The following CACNB4 variants were observed in gnomAD, a reference collection of about 807,000 sequenced individuals.
The protein encoded by CACNB4 is calcium voltage-gated channel auxiliary subunit beta 4.
CACNB4 carries 32 observed loss-of-function variants against 71.2 expected under a neutral mutation model. That is an observed-to-expected ratio of 0.45 (90% CI 0.34 to 0.60). The LOEUF (loss-of-function observed/expected upper bound fraction) is 0.60, where lower values mean the gene tolerates loss of function less well. CACNB4 is among the 20% of genes least tolerant of loss of function. The pLI, the probability that CACNB4 is intolerant of heterozygous loss-of-function variation, is 0.01. For missense variants in CACNB4, 464 were observed against 647.9 expected (o/e 0.72, Z 3.08); for synonymous variants, 231 against 236.9 (o/e 0.97, Z 0.23).
rs147524199 is a variant in CACNB4 at position 151,961,752 on chromosome 2, A to G, written c.148-78382T>C. ...CAAAAAAATAAAAAATTAGCCAGGC[A>G]TGATGGCATGCACCTGTAGTCCCAG... On this transcript the variant is annotated intron_variant, in intron 2 of 13. Coordinates refer to ENST00000539935, the MANE Select transcript of CACNB4 (RefSeq NM_000726.5). Among the ~76,000 whole-genome samples the G allele has an allele frequency of 1.0e-3, 156 of 152,248 alleles. 1 individual carries two copies. Among genetic ancestry groups the G allele is most frequent in the African/African-American group, 3.3e-3 (137 of 41,540 alleles).
chr2:152,025,069 T>A (rs1683888788), intron 2 of CACNB4, among the ~76,000 whole-genome samples: 1 of 151,880 alleles, frequency 6.6e-6, no homozygotes, highest in South Asian at 2.1e-4. Context: ...AAAATAAAAA[T>A]AATAAATAAA....
intron 6 of CACNB4, chr2:151,872,183 A>T (rs112510623): frequency 7.4e-4 from 334 of 448,686 alleles, no homozygotes; most frequent in African/African-American, 6.3e-3. Context: ...AGTTATTAAC[A>T]CTGAGGGGTA....
intron 2 of CACNB4, among the ~76,000 whole-genome samples, chr2:152,072,396 T>C (rs1157065539): frequency 6.6e-6 from 1 of 152,214 alleles, no homozygotes; most frequent in African/African-American, 2.4e-5. Context: ...TTTAAGGAAA[T>C]GTGTGTATGA....
Position 151,944,517 on chromosome 2 carries a change from T to A in CACNB4, c.148-61147A>T, listed in dbSNP as rs577876654. Among the ~76,000 whole-genome samples, 53 of 152,066 alleles carry A rather than the reference T, an allele frequency of 3.5e-4. 1 individual carries two copies. The South Asian group carries it at 0.011, about 30-fold the overall frequency. On this transcript the variant is annotated intron_variant, in intron 2 of 13. Coordinates refer to ENST00000539935, the MANE Select transcript of CACNB4 (RefSeq NM_000726.5). ...ATAAAAGTTACAACTGAAGGCCGGG[T>A]GTGGTGGCTTACACCTATAATCCCA...
intron 2 of CACNB4, among the ~76,000 whole-genome samples, chr2:151,956,378 C>G (rs1191171560): frequency 1.3e-5 from 2 of 152,192 alleles, no homozygotes; most frequent in Non-Finnish European, 2.9e-5. Flanking sequence ...AAATGAAATG[C>G]TGATAAAAGC....
rs139065706 is a variant in CACNB4, at chr2:151,883,580, G to A, written c.148-210C>T. 7.7e-4 allele frequency: 438 copies of A among 568,106 alleles called. 3 individuals are homozygous for A. The highest frequency in any genetic ancestry group is 7.7e-3 in the African/African-American group (408 of 53,304). 35.2% of individuals were successfully genotyped at this position (568,106 alleles called of 1,614,324 possible). On this transcript the variant is annotated intron_variant, in intron 2 of 13. Coordinates refer to ENST00000539935, the MANE Select transcript of CACNB4 (RefSeq NM_000726.5). ...GCAATGTTGTGAAGAAAAATATTTT[G>A]ACTAGATTAAGTGCTAGGAAGTAAA...
At chr2:152,094,230 A>G (rs1688142600) in intron 2 of CACNB4, among the ~76,000 whole-genome samples, 1 of 152,238 alleles carries the variant, frequency 6.6e-6, no homozygotes, top group Non-Finnish European at 1.5e-5. Flanking sequence ...CTAAACCCCC[A>G]GATCTCAGGG....
intron 2 of CACNB4, among the ~76,000 whole-genome samples, chr2:152,043,608 C>T (rs1426234536): frequency 1.3e-5 from 2 of 152,180 alleles, no homozygotes; most frequent in African/African-American, 4.8e-5. Context: ...GTGTGAGCCA[C>T]CGTGCTTGTC....
chr2:152,098,735 CGAAGGAGGGTGAGGAGGAGGAGGAAGA>C lies in CACNB4; in HGVS notation c.63+187_63+213del. On this transcript the variant is annotated intron_variant, in intron 1 of 13. Transcript: ENST00000539935. This position sits in a 1 kb window ranked among gnomAD's most constrained non-coding sequence, Gnocchi z 5.3. ...GCTCCGGAGCGGGAGCGCAGAGACC[CGAAGGAGGGTGAGGAGGAGGAGGAAGA>C]GAAGGAGGAGAAAGAGGAGGAGCGG... The C allele has an allele frequency of 6.5e-7, 1 of 1,538,310 alleles. No individual in the cohort carries two copies. Among genetic ancestry groups the C allele is most frequent in the South Asian group, 1.2e-5 (1 of 83,058 alleles).
chr2:152,033,565 T>C (rs1684402404), intron 2 of CACNB4, among the ~76,000 whole-genome samples: 2 of 152,174 alleles, frequency 1.3e-5, no homozygotes, highest in Admixed American at 1.3e-4. Context: ...TCTGGGTAAA[T>C]ACCATTTCCA....
intron 2 of CACNB4, among the ~76,000 whole-genome samples, chr2:152,077,440 C>A (rs1687095526): frequency 6.6e-6 from 1 of 152,214 alleles, no homozygotes; most frequent in Non-Finnish European, 1.5e-5. Flanking sequence ...GTAATCCCAG[C>A]TACTCAGGAG....
chr2:151,921,828 T>TTCTC (rs1269842160), intron 2 of CACNB4, among the ~76,000 whole-genome samples: 1 of 152,134 alleles, frequency 6.6e-6, no homozygotes, highest in South Asian at 2.1e-4. Context: ...CTTCGCCCTT[T>TTCTC]TCTCTCTCTC....
chr2:151,914,669 T>A (rs557110089), intron 2 of CACNB4, among the ~76,000 whole-genome samples: 2 of 152,308 alleles, frequency 1.3e-5, no homozygotes, highest in East Asian at 3.9e-4. Flanking sequence ...GGCCTTTTGT[T>A]GTTGTTGATG....
intron 2 of CACNB4, among the ~76,000 whole-genome samples, chr2:151,999,927 G>T (rs1682304579): frequency 6.6e-6 from 1 of 152,166 alleles, no homozygotes; most frequent in Non-Finnish European, 1.5e-5. Context: ...CCTCACAAGA[G>T]TGTTAATCAA....
At chr2:152,016,871 A>G (rs1298773428) in intron 2 of CACNB4, among the ~76,000 whole-genome samples, 1 of 152,234 alleles carries the variant, frequency 6.6e-6, no homozygotes, top group African/African-American at 2.4e-5. Flanking sequence ...TTATTTTTCT[A>G]TATTAATGCA....
intron 2 of CACNB4, among the ~76,000 whole-genome samples, chr2:152,054,373 A>G (rs1210578877): frequency 9.9e-5 from 15 of 151,446 alleles, no homozygotes; most frequent in Non-Finnish European, 1.9e-4. Context: ...CTCAAAAAAA[A>G]AAAAAAAAAA....
At chr2:151,915,237 C>G (rs1385007112) in intron 2 of CACNB4, among the ~76,000 whole-genome samples, 1 of 152,172 alleles carries the variant, frequency 6.6e-6, no homozygotes. Context: ...CAGGGTCAGG[C>G]CTGAAGGGAC....
chr2:152,067,327 T>G (rs1686393378), intron 2 of CACNB4, among the ~76,000 whole-genome samples: 1 of 151,494 alleles, frequency 6.6e-6, no homozygotes, highest in Admixed American at 6.6e-5. Context: ...TACCCAGTAT[T>G]CTCAGCAGTG....
At chr2:151,988,778 C>T (rs887576697) in intron 2 of CACNB4, among the ~76,000 whole-genome samples, 1 of 152,150 alleles carries the variant, frequency 6.6e-6, no homozygotes, top group East Asian at 1.9e-4. Flanking sequence ...CTGGCCCAAT[C>T]ACCTCCCAAA....
Sources: gnomAD v4.1 joint callset for allele counts (sites outside exome capture counted in the v4.1 genomes callset) on GRCh38, gnomAD v4.1.1 for gene constraint, Gnocchi (gnomAD v3.1) non-coding constraint, MANE v1.5 for transcripts, NCBI Gene and HGNC (gene_info 2026-07-23, HGNC 2026-07-21) for gene names.